Variants in RALYL observed in about 807,000 individuals in gnomAD.
RALYL encodes the protein RALY RNA binding protein like, also known as RNA-binding Raly-like protein.
RALYL carries 29 observed loss-of-function variants against 35.1 expected under a neutral mutation model. The observed-to-expected ratio is 0.83, with a 90% CI of 0.61 to 1.13. RALYL has a LOEUF of 1.13. Among genes scored for constraint, RALYL ranks in the 50% most tolerant of loss-of-function variants. The pLI is 0.00. For synonymous variants in RALYL, 120 were observed against 127.6 expected (o/e 0.94, Z 0.40); for missense variants, 359 against 360.4 (o/e 1.00, Z 0.03).
At chr8:84,717,544 C>T (rs962069694) in intron 2 of RALYL, among the ~76,000 whole-genome samples, 1 of 152,046 alleles carries the variant, frequency 6.6e-6, no homozygotes, top group Admixed American at 6.6e-5. Flanking sequence ...GTAAGTTGCC[C>T]ACATTGTTAA....
At chr8:84,813,651 T>G (rs994094254) in intron 4 of RALYL, among the ~76,000 whole-genome samples, 1 of 152,254 alleles carries the variant, frequency 6.6e-6, no homozygotes, top group African/African-American at 2.4e-5. Context: ...CATACTTCAG[T>G]CCACTGCCTG....
At chr8:84,712,135 G>A (rs1393319444) in intron 2 of RALYL, among the ~76,000 whole-genome samples, 1 of 152,128 alleles carries the variant, frequency 6.6e-6, no homozygotes. Flanking sequence ...TATATGCAAT[G>A]TCTTCAGCCC....
rs372367035 is a variant in RALYL at position 84,425,783 on chromosome 8, C to CTATGTG, written c.-23-103515_-23-103514insATGTGT. On this transcript the variant is annotated intron_variant, in intron 1 of 8. Coordinates refer to ENST00000521268, the MANE Select transcript of RALYL (RefSeq NM_173848.7). ...AATTTTTAGAAAGCCAGTTTTTCTT[C>CTATGTG]TGTGTGTGTGTGTGTGTGTGTGTGT... 6.0e-3 allele frequency among the ~76,000 whole-genome samples: 864 copies of CTATGTG among 144,562 alleles called. 10 individuals carry two copies. The highest frequency in any genetic ancestry group is 0.013 in the African/African-American group (503 of 38,930). 94.8% of individuals were successfully genotyped at this position (144,562 alleles called of 152,430 possible).
chr8:84,304,739 C>G (rs1014389559), intron 1 of RALYL, among the ~76,000 whole-genome samples: 5 of 152,018 alleles, frequency 3.3e-5, no homozygotes, highest in African/African-American at 1.2e-4. Context: ...CATGCTTTTT[C>G]TTAATATTAA....
chr8:84,810,697 G>A (rs950378949), intron 4 of RALYL, among the ~76,000 whole-genome samples: 5 of 152,098 alleles, frequency 3.3e-5, no homozygotes, highest in South Asian at 2.1e-4. Flanking sequence ...GTTTAGGATT[G>A]TGATATTTTC....
At chr8:84,279,169 G>C (rs113781912) in intron 1 of RALYL, among the ~76,000 whole-genome samples, 6,475 of 152,212 alleles carry the variant, frequency 0.043, 232 homozygotes, top group African/African-American at 0.087. Flanking sequence ...ACCGTCAGAT[G>C]TCATGAGAAC....
intron 1 of RALYL, among the ~76,000 whole-genome samples, chr8:84,440,549 G>A (rs2048221378): frequency 6.6e-6 from 1 of 152,000 alleles, no homozygotes; most frequent in Non-Finnish European, 1.5e-5. Context: ...AGTAATGACT[G>A]ATTAGTTTTC....
chr8:84,762,270 T>A (rs1812900588), intron 2 of RALYL, among the ~76,000 whole-genome samples: 1 of 152,208 alleles, frequency 6.6e-6, no homozygotes, highest in Admixed American at 6.6e-5. Context: ...TTTTGTGTTC[T>A]TACTTTTATA....
chr8:84,299,170 G>C (rs1239221261), intron 1 of RALYL, among the ~76,000 whole-genome samples: 1 of 151,456 alleles, frequency 6.6e-6, no homozygotes, highest in Non-Finnish European at 1.5e-5. Context: ...TCCTCATTTA[G>C]TATGATGTTA....
At chr8:84,665,356 C>G (rs1417883489) in intron 2 of RALYL, among the ~76,000 whole-genome samples, 2 of 152,006 alleles carry the variant, frequency 1.3e-5, no homozygotes, top group Non-Finnish European at 2.9e-5. Context: ...GGAAGAGTCC[C>G]TCCTTTTCAA....
intron 2 of RALYL, among the ~76,000 whole-genome samples, chr8:84,673,014 T>C (rs529302705): frequency 4.1e-4 from 62 of 152,358 alleles, no homozygotes; most frequent in African/African-American, 1.4e-3. Flanking sequence ...TGTTCCTTTT[T>C]CTCCACAACC....
chr8:84,418,557 C>A lies in RALYL; in HGVS notation c.-23-110742C>A, dbSNP rs535160339. ...CTTTCTTTATTTAAGACATGAACAA[C>A]ACTCTAGGTACAGTTTTATATTTTA... On this transcript the variant is annotated intron_variant, in intron 1 of 8. Transcript: ENST00000521268. Among the ~76,000 whole-genome samples the A allele has an allele frequency of 1.1e-4, 17 of 152,184 alleles. 2 individuals carry two copies. In the South Asian group the frequency reaches 3.3e-3, roughly 30 times the overall value.
chr8:84,484,467 G>A (rs563591624), intron 1 of RALYL, among the ~76,000 whole-genome samples: 1 of 152,026 alleles, frequency 6.6e-6, no homozygotes, highest in Admixed American at 6.6e-5. Flanking sequence ...CAAGTGGAAG[G>A]ATAACAAGCG....
At chr8:84,909,970 A>C (rs948630242) in intron 8 of RALYL, among the ~76,000 whole-genome samples, 5 of 152,072 alleles carry the variant, frequency 3.3e-5, no homozygotes, top group Admixed American at 6.6e-5. Flanking sequence ...TCCCACTTTA[A>C]CCTAAAGAAT....
chr8:84,874,107 G>A (rs967061637), intron 7 of RALYL, among the ~76,000 whole-genome samples: 1 of 152,158 alleles, frequency 6.6e-6, no homozygotes, highest in Non-Finnish European at 1.5e-5. Flanking sequence ...AGACGCCTCA[G>A]AAGCCTCCTT....
At chr8:84,434,822 A>G (rs1386468994) in intron 1 of RALYL, among the ~76,000 whole-genome samples, 2 of 151,840 alleles carry the variant, frequency 1.3e-5, no homozygotes, top group Non-Finnish European at 2.9e-5. Context: ...TTAAAAAAAT[A>G]TATACATTTG....
chr8:84,633,595 C>T (rs1445860646), intron 2 of RALYL, among the ~76,000 whole-genome samples: 2 of 151,576 alleles, frequency 1.3e-5, no homozygotes, highest in African/African-American at 2.4e-5. Flanking sequence ...TTTAAAGCAA[C>T]AAAATAGTAA....
intron 1 of RALYL, among the ~76,000 whole-genome samples, chr8:84,305,757 G>A (rs1437604452): frequency 1.3e-5 from 2 of 152,116 alleles, no homozygotes; most frequent in African/African-American, 4.8e-5. Context: ...ATCCCAGCAG[G>A]TTGCATAGTC....
chr8:84,690,638 C>T (rs1256389440), intron 2 of RALYL, among the ~76,000 whole-genome samples: 2 of 151,760 alleles, frequency 1.3e-5, no homozygotes, highest in Non-Finnish European at 2.9e-5. Flanking sequence ...GTTAATTATA[C>T]TTCAATAAAG....
Sources: allele counts gnomAD v4.1 joint callset (sites outside exome capture counted in the v4.1 genomes callset), GRCh38; gene constraint gnomAD v4.1.1; transcripts MANE v1.5; gene names NCBI Gene and HGNC (gene_info 2026-07-23, HGNC 2026-07-21).